Variants in FBXO4 observed in about 807,000 individuals in gnomAD.
FBXO4 encodes F-box protein 4.
Under a neutral mutation model 43.7 loss-of-function variants are expected in FBXO4, and 36 were observed. The ratio of observed to expected loss-of-function variants is 0.82; its 90% CI spans 0.63 to 1.09. The LOEUF is 1.09. FBXO4 is among the 50% of genes least tolerant of loss of function. The pLI is 0.00. For synonymous variants in FBXO4, 180 were observed against 165.6 expected, an observed-to-expected ratio of 1.09 and a Z score of -0.67; for missense variants, 435 against 474.1, an observed-to-expected ratio of 0.92 and a Z score of 0.77.
chr5:42,037,228 T>C, the FBXO4 span, among the ~76,000 whole-genome samples: 1 of 152,092 alleles, frequency 6.6e-6, no homozygotes, highest in African/African-American at 2.4e-5. Flanking sequence ...GGAGTTACCT[T>C]GGCAACATTA....
In FBXO4 at chr5:41,934,020, A is replaced by T. The variant is rs751149174; in HGVS notation, c.721A>T (p.Arg241Ter). Reference sequence around the variant, plus strand: ...CATTCTAATCTTATATTCAACTACCAGGTAAGGCTACATACTTGGTGGCTT... The same window carrying T: ...CATTCTAATCTTATATTCAACTACCTGGTAAGGCTACATACTTGGTGGCTT... ...FNILILYSTT[R>*]KERDRAREEH... The change falls in exon 4 of 7, where the codon AGA becomes TGA. Residue 241 changes from arginine (R) to a stop codon, truncating the protein, a stop_gained and splice_region_variant. Transcript: ENST00000281623. LOFTEE classifies it high-confidence loss of function. 1 of 1,613,458 alleles carries T rather than the reference A, an allele frequency of 6.2e-7. No individual in the cohort carries two copies. The highest frequency in any genetic ancestry group is 1.3e-5 in the African/African-American group (1 of 74,934).
the FBXO4 span, among the ~76,000 whole-genome samples, chr5:41,965,294 G>A: frequency 6.6e-6 from 1 of 152,168 alleles, no homozygotes; most frequent in African/African-American, 2.4e-5. Flanking sequence ...TAGCCTTGCA[G>A]TATAGTTTGA....
At chr5:42,025,476 T>G in the FBXO4 span, among the ~76,000 whole-genome samples, 3 of 152,050 alleles carry the variant, frequency 2.0e-5, no homozygotes, top group African/African-American at 4.8e-5. Flanking sequence ...CAAATACTTT[T>G]TCCATTGTTT....
chr5:41,973,792 T>C, the FBXO4 span, among the ~76,000 whole-genome samples: 1 of 152,234 alleles, frequency 6.6e-6, no homozygotes, highest in Non-Finnish European at 1.5e-5. Context: ...TTACATAAGC[T>C]ATTAATACAT....
chr5:41,979,020 C>CTTGTA, the FBXO4 span, among the ~76,000 whole-genome samples: 2 of 152,106 alleles, frequency 1.3e-5, no homozygotes, highest in East Asian at 3.9e-4. Context: ...TTTTTTCAGC[C>CTTGTA]TTGTAGACTG....
At chr5:41,996,312 T>A in the FBXO4 span, among the ~76,000 whole-genome samples, 1 of 152,134 alleles carries the variant, frequency 6.6e-6, no homozygotes, top group African/African-American at 2.4e-5. Flanking sequence ...CATGGTGACT[T>A]GATGATCCAT....
the FBXO4 span, among the ~76,000 whole-genome samples, chr5:42,012,034 C>A: frequency 6.6e-6 from 1 of 152,212 alleles, no homozygotes; most frequent in Non-Finnish European, 1.5e-5. Flanking sequence ...AAGGTGAGAA[C>A]ATTTATATAG....
At chr5:41,949,690 T>G in the FBXO4 span, among the ~76,000 whole-genome samples, 1 of 152,200 alleles carries the variant, frequency 6.6e-6, no homozygotes, top group Non-Finnish European at 1.5e-5. Context: ...CCATCGACTT[T>G]CTTCACAGAT....
chr5:42,002,842 T>C, the FBXO4 span, among the ~76,000 whole-genome samples: 1 of 152,230 alleles, frequency 6.6e-6, no homozygotes, highest in African/African-American at 2.4e-5. Flanking sequence ...AATATAAATT[T>C]TTCTTCAATT....
chr5:42,019,309 A>T, the FBXO4 span, among the ~76,000 whole-genome samples: 1 of 152,336 alleles, frequency 6.6e-6, no homozygotes, highest in East Asian at 1.9e-4. Flanking sequence ...TATAGATTAC[A>T]TGATGAAATA....
chr5:41,934,239 CCA>C lies in FBXO4; in HGVS notation c.832_833del (p.Gln278AspfsTer6). The C allele has an allele frequency of 6.2e-7, 1 of 1,614,126 alleles. No individual in the cohort carries two copies. Among genetic ancestry groups the C allele is most frequent in the South Asian group, 1.1e-5 (1 of 91,074 alleles). On this transcript the variant is annotated frameshift_variant, in exon 5 of 7. Transcript: ENST00000281623. LOFTEE classifies it high-confidence loss of function. ...ACAAGGAAGCCGGTACAGTGTGATTCCACAGATTCAAAAAGTGTGTGAAGTTG... is the reference window on the plus strand; with the variant it reads ...ACAAGGAAGCCGGTACAGTGTGATTCCAGATTCAAAAAGTGTGTGAAGTTG... Reference protein sequence around the residue: ...DQQGSRYSVIPQIQKVCEVVD... With the variant: ...DQQGSRYSVIXQIQKVCEVVD...
chr5:41,953,466 CAT>C, the FBXO4 span, among the ~76,000 whole-genome samples: 1 of 152,134 alleles, frequency 6.6e-6, no homozygotes, highest in Admixed American at 6.6e-5. Flanking sequence ...TATGTGTGCA[CAT>C]GTCTTTATAG....
intron 3 of FBXO4, among the ~76,000 whole-genome samples, chr5:41,931,775 G>A (rs955431268): frequency 6.6e-6 from 1 of 152,180 alleles, no homozygotes; most frequent in Non-Finnish European, 1.5e-5. Flanking sequence ...GAAGATTGGA[G>A]ACAGGTGCTG....
the FBXO4 span, among the ~76,000 whole-genome samples, chr5:42,030,043 A>G: frequency 6.6e-6 from 1 of 152,164 alleles, no homozygotes; most frequent in Non-Finnish European, 1.5e-5. Flanking sequence ...AAGGTAATTT[A>G]TAGATTCAAT....
At chr5:41,966,341 C>T in the FBXO4 span, among the ~76,000 whole-genome samples, 3 of 151,542 alleles carry the variant, frequency 2.0e-5, no homozygotes, top group Non-Finnish European at 4.4e-5. Context: ...AAAGATACAC[C>T]AAAGAAACTA....
chr5:41,945,748 C>T (rs1016910086), downstream of FBXO4, among the ~76,000 whole-genome samples: 3 of 152,134 alleles, frequency 2.0e-5, no homozygotes, highest in Admixed American at 2.0e-4. Context: ...TGCCATGGCT[C>T]TTCTAGGCCT....
chr5:41,934,361 GA>G (rs1197217844), intron 5 of FBXO4, 53 bp downstream of exon 5: 2 of 1,609,784 alleles, frequency 1.2e-6, no homozygotes, highest in Non-Finnish European at 1.7e-6. Flanking sequence ...AAAGCAAATG[GA>G]AAATACCTTT....
the FBXO4 span, among the ~76,000 whole-genome samples, chr5:41,999,663 T>A: frequency 3.4e-5 from 5 of 149,048 alleles, no homozygotes; most frequent in African/African-American, 1.2e-4. Context: ...CCAGTCTGAG[T>A]TCCAAAACTG....
intron 6 of FBXO4, 118 bp from the exon 7 acceptor site, chr5:41,941,074 T>C (rs1751992147): frequency 2.9e-6 from 2 of 681,732 alleles, no homozygotes; most frequent in Non-Finnish European, 4.8e-6. Context: ...TTATCCAAAG[T>C]TTATTGGGAT....
Sources: gnomAD v4.1 joint callset for allele counts (sites outside exome capture counted in the v4.1 genomes callset) on GRCh38, gnomAD v4.1.1 for gene constraint, MANE v1.5 for transcripts, NCBI Gene and HGNC (gene_info 2026-07-23, HGNC 2026-07-21) for gene names.